Variants in GALNT18 observed in about 807,000 individuals in gnomAD.
GALNT18 encodes the protein polypeptide N-acetylgalactosaminyltransferase 18, also known as GalNAc-transferase 18.
Under a neutral mutation model 69.5 loss-of-function variants are expected in GALNT18, and 44 were observed. The ratio of observed to expected loss-of-function variants is 0.63; its 90% confidence interval spans 0.50 to 0.81. The LOEUF (loss-of-function observed/expected upper bound fraction) is 0.81. GALNT18 is among the 40% of genes least tolerant of loss of function. The pLI is 0.00. For synonymous variants in GALNT18, 364 were observed against 318.2 expected, an observed-to-expected ratio of 1.14 and a Z score of -1.53; for missense variants, 715 against 810.0, an observed-to-expected ratio of 0.88 and a Z score of 1.42.
At chr11:11,275,647 A>T (rs961857823) in intron 10 of GALNT18, among the ~76,000 whole-genome samples, 2 of 152,308 alleles carry the variant, frequency 1.3e-5, no homozygotes, top group Non-Finnish European at 2.9e-5. Flanking sequence ...GTTTTCTTCT[A>T]GGATTTTTAT....
chr11:11,285,789 GA>G (rs1248026920), intron 10 of GALNT18, among the ~76,000 whole-genome samples: 2 of 152,216 alleles, frequency 1.3e-5, no homozygotes, highest in Non-Finnish European at 2.9e-5. Context: ...CTAGCATGGG[GA>G]AATTCTTTGG....
chr11:11,358,998 A>T lies in GALNT18; in HGVS notation c.1092+13517T>A, dbSNP rs148376238. Among the ~76,000 whole-genome samples, 239 of 140,844 alleles carry T rather than the reference A, an allele frequency of 1.7e-3. 45 individuals are homozygous for T. The highest frequency in any genetic ancestry group is 6.1e-3 in the African/African-American group (232 of 38,172). The allele number at this position is 140,844 out of a possible 152,430, so 92.4% of individuals were successfully genotyped here. On this transcript the variant is annotated intron_variant, in intron 6 of 10. Coordinates refer to ENST00000227756, the MANE Select transcript of GALNT18 (RefSeq NM_198516.3). ...TTTTCTCTGTGTCCAGGGATGGGAA[A>T]TAAAAGAATCTGCTTGCAGCTTTTC...
chr11:11,470,986 A>G lies in GALNT18; in HGVS notation c.236-22050T>C, dbSNP rs1856255107. Among the ~76,000 whole-genome samples, 1 of 152,016 alleles carries G rather than the reference A, an allele frequency of 6.6e-6. No individual in the cohort carries two copies. The highest frequency in any genetic ancestry group is 2.4e-5 in the African/African-American group (1 of 41,384). On this transcript the variant is annotated intron_variant, in intron 1 of 10. Transcript: ENST00000227756. This position sits in a 1 kb window ranked among gnomAD's most constrained non-coding sequence, Gnocchi z 4.8. ...CATACTCAGGGGCCCGGGCACATCA[A>G]TATCCCTCTTTCTCCTGTATCTTCC...
chr11:11,464,915 T>C (rs1291306722), intron 1 of GALNT18, among the ~76,000 whole-genome samples: 1 of 152,228 alleles, frequency 6.6e-6, no homozygotes, highest in African/African-American at 2.4e-5. Context: ...TCACATTCTA[T>C]GGGCAACATA....
intron 10 of GALNT18, among the ~76,000 whole-genome samples, chr11:11,281,520 C>T (rs991819438): frequency 1.3e-5 from 2 of 152,168 alleles, no homozygotes; most frequent in African/African-American, 4.8e-5. Flanking sequence ...GCCTTGCCAA[C>T]AGCGAGGTGC....
In GALNT18 at chr11:11,387,135, TG is replaced by T. The variant is rs1854076968; in HGVS notation, c.596-7872del. ...GATGTAAATGCAGTCTGAAAACGGC[TG>T]CCTCACACCTGCCCAGGTAATTTTT... is the stretch of plus-strand genomic sequence containing the variant. On this transcript the variant is annotated intron_variant, in intron 3 of 10. Transcript: ENST00000227756. This position sits in a 1 kb window ranked among gnomAD's most constrained non-coding sequence, Gnocchi z 4.6. Among the ~76,000 whole-genome samples, 1 of 152,206 alleles carries T rather than the reference TG, an allele frequency of 6.6e-6. No individual in the cohort carries two copies. The highest frequency in any genetic ancestry group is 2.4e-5 in the African/African-American group (1 of 41,454).
intron 10 of GALNT18, among the ~76,000 whole-genome samples, chr11:11,278,431 TGCAGCAAACCACCATGGCACG>T (rs1336720478): frequency 1.5e-4 from 23 of 151,538 alleles, no homozygotes; most frequent in African/African-American, 5.3e-4. Flanking sequence ...GGTTGATGGG[TGCAGCAAACCACCATGGCACG>T]TGTATACCTC....
At chr11:11,367,013 G>T (rs1850787895) in intron 6 of GALNT18, among the ~76,000 whole-genome samples, 1 of 152,174 alleles carries the variant, frequency 6.6e-6, no homozygotes, top group Admixed American at 6.5e-5. Context: ...ATTCTCTAAG[G>T]CTAGCCAGAT....
intron 6 of GALNT18, among the ~76,000 whole-genome samples, chr11:11,365,645 A>G (rs1303556176): frequency 6.6e-6 from 1 of 152,166 alleles, no homozygotes; most frequent in Non-Finnish European, 1.5e-5. Context: ...CAGCCTCACA[A>G]GCATCTATTG....
In GALNT18 at chr11:11,621,294, C is replaced by T. The variant is rs1860185295; in HGVS notation, c.235+65G>A. 11 of 1,363,116 alleles carry T rather than the reference C, an allele frequency of 8.1e-6. No homozygotes were observed. Among genetic ancestry groups the T allele is most frequent in the Non-Finnish European group, 1.1e-5 (11 of 972,014 alleles). 84.4% of individuals were successfully genotyped at this position (1,363,116 alleles called of 1,614,324 possible). ...GAGTTGATGCGCACCAGCCCCAGCG[C>T]ACCCCGCGCCGCGCGGGGCACTCCC... On this transcript the variant is annotated intron_variant, in intron 1 of 10. Coordinates refer to ENST00000227756, the MANE Select transcript of GALNT18 (RefSeq NM_198516.3). The surrounding 1 kb of genome is among the most constrained non-coding windows in gnomAD (Gnocchi z 9.3).
rs1033622137 is a variant in GALNT18 at position 11,435,337 on chromosome 11, C to T, written c.429-2550G>A. Among the ~76,000 whole-genome samples, 2 of 152,164 alleles carry T rather than the reference C, an allele frequency of 1.3e-5. No individual in the cohort carries two copies. The highest frequency in any genetic ancestry group is 2.9e-5 in the Non-Finnish European group (2 of 68,040). ...ATTTTAATTCCTCCCAGTAGCAGCCCTGATGGTTTGAGCTGCCAGTCTCTG... is the reference window on the plus strand; with the variant it reads ...ATTTTAATTCCTCCCAGTAGCAGCCTTGATGGTTTGAGCTGCCAGTCTCTG... On this transcript the variant is annotated intron_variant, in intron 2 of 10. Coordinates refer to ENST00000227756, the MANE Select transcript of GALNT18 (RefSeq NM_198516.3). This position sits in a 1 kb window ranked among gnomAD's most constrained non-coding sequence, Gnocchi z 4.4.
intron 5 of GALNT18, among the ~76,000 whole-genome samples, chr11:11,374,296 C>A (rs140118995): frequency 1.3e-5 from 2 of 152,206 alleles, no homozygotes; most frequent in Non-Finnish European, 2.9e-5. Flanking sequence ...GATTCCATAT[C>A]TGTAACATAG....
intron 9 of GALNT18, among the ~76,000 whole-genome samples, chr11:11,297,438 A>C (rs1849421155): frequency 6.6e-6 from 1 of 152,160 alleles, no homozygotes; most frequent in South Asian, 2.1e-4. Context: ...GTTGGTGAGT[A>C]GCTGAGATTT....
rs558625440 is a variant in GALNT18, at chr11:11,412,701, A to G, written c.595+19920T>C. On this transcript the variant is annotated intron_variant, in intron 3 of 10. Transcript: ENST00000227756. The stretch of plus-strand genomic sequence containing the variant: ...TTTAAAAGTGTCAAAACATATGTGC[A>G]TGGACCTTGTAGCAGATGCTGTTGA... 9.8e-5 allele frequency among the ~76,000 whole-genome samples: 15 copies of G among 152,350 alleles called. No individual in the cohort carries two copies. In the South Asian group the frequency reaches 3.1e-3, roughly 32 times the overall value.
intron 1 of GALNT18, among the ~76,000 whole-genome samples, chr11:11,534,253 T>A (rs1412543184): frequency 2.6e-5 from 4 of 152,194 alleles, no homozygotes; most frequent in Admixed American, 6.5e-5. Context: ...GCCAACCTGA[T>A]GGCCCCTGAG....
intron 1 of GALNT18, among the ~76,000 whole-genome samples, chr11:11,477,719 GACA>G (rs1183465086): frequency 6.6e-6 from 1 of 152,196 alleles, no homozygotes; most frequent in Non-Finnish European, 1.5e-5. Flanking sequence ...TACGACTTAT[GACA>G]AAGAAAGTCA....
chr11:11,480,208 G>A lies in GALNT18; in HGVS notation c.236-31272C>T, dbSNP rs1856494583. Among the ~76,000 whole-genome samples, 1 of 152,080 alleles carries A rather than the reference G, an allele frequency of 6.6e-6. No individual in the cohort carries two copies. Among genetic ancestry groups the A allele is most frequent in the Admixed American group, 6.6e-5 (1 of 15,256 alleles). On this transcript the variant is annotated intron_variant, in intron 1 of 10. Transcript: ENST00000227756. This position sits in a 1 kb window ranked among gnomAD's most constrained non-coding sequence, Gnocchi z 4.6. ...GTGGTAGCCACAAAATAAACTAAAA[G>A]AAGGGGTCAATCTTTCTTTATTTCT...
chr11:11,373,304 T>C (rs146116605), intron 5 of GALNT18, among the ~76,000 whole-genome samples: 8 of 152,060 alleles, frequency 5.3e-5, no homozygotes, highest in Admixed American at 2.0e-4. Flanking sequence ...TGAGTCAGAG[T>C]ATCAGGAACA....
chr11:11,433,476 T>C (rs1855322670), intron 2 of GALNT18, among the ~76,000 whole-genome samples: 1 of 152,150 alleles, frequency 6.6e-6, no homozygotes, highest in African/African-American at 2.4e-5. Flanking sequence ...CATGACAGAA[T>C]CCCAACTCTG....
Sources: gnomAD v4.1 joint callset for allele counts (sites outside exome capture counted in the v4.1 genomes callset) on GRCh38, gnomAD v4.1.1 for gene constraint, Gnocchi (gnomAD v3.1) non-coding constraint, MANE v1.5 for transcripts, NCBI Gene and HGNC (gene_info 2026-07-23, HGNC 2026-07-21) for gene names.